Variants in SEC23A observed in about 807,000 individuals in gnomAD.
The protein encoded by SEC23A is protein transport protein Sec23A.
SEC23A carries 56 observed loss-of-function variants against 103.7 expected under a neutral mutation model. That is an observed-to-expected ratio of 0.54 (90% CI 0.44 to 0.67). The LOEUF (loss-of-function observed/expected upper bound fraction) is 0.67. Ranked by LOEUF, SEC23A falls within the 30% of genes least tolerant of loss-of-function variation. SEC23A has a pLI of 0.00. For synonymous variants in SEC23A, 281 were observed against 293.0 expected, an observed-to-expected ratio of 0.96 and a Z score of 0.42; for missense variants, 784 against 936.4, an observed-to-expected ratio of 0.84 and a Z score of 2.12.
chr14:39,085,952 G>A, intron 6 of SEC23A, 46 bp from the exon 7 acceptor site: 1 of 1,508,818 alleles, frequency 6.6e-7, no homozygotes, highest in Non-Finnish European at 9.2e-7. Flanking sequence ...ATGTTTATGG[G>A]TGAGAGTTCG....
At chr14:39,089,623 G>C (rs1291172352) in intron 5 of SEC23A, among the ~76,000 whole-genome samples, 1 of 151,988 alleles carries the variant, frequency 6.6e-6, no homozygotes, top group Non-Finnish European at 1.5e-5. Flanking sequence ...AAATTCCCAT[G>C]CTATCTCCTC....
At chr14:39,073,902 C>T (rs1323095778) in intron 9 of SEC23A, among the ~76,000 whole-genome samples, 1 of 152,074 alleles carries the variant, frequency 6.6e-6, no homozygotes, top group East Asian at 1.9e-4. Context: ...GCCACCACAC[C>T]CAGCCTCTGA....
intron 7 of SEC23A, among the ~76,000 whole-genome samples, chr14:39,083,615 T>C (rs1411593688): frequency 8.2e-6 from 1 of 121,512 alleles, no homozygotes; most frequent in Non-Finnish European, 1.6e-5. Context: ...CAGACTGGAG[T>C]GCAGTGGTGC....
At chr14:39,048,878 C>A in intron 14 of SEC23A, 149 bp from the exon 15 acceptor site, 3 of 575,632 alleles carry the variant, frequency 5.2e-6, no homozygotes, top group South Asian at 4.6e-5. Flanking sequence ...TATAGACTTA[C>A]CAAGAGACAA....
chr14:39,040,092 A>G (rs1338213926), intron 18 of SEC23A: 1 of 152,262 alleles, frequency 6.6e-6, no homozygotes, highest in Non-Finnish European at 1.5e-5. Context: ...ATAACAACTT[A>G]TAATTAATTT....
intron 1 of SEC23A, among the ~76,000 whole-genome samples, chr14:39,099,936 C>T (rs1888025803): frequency 6.6e-6 from 1 of 151,854 alleles, no homozygotes; most frequent in South Asian, 2.1e-4. Flanking sequence ...TGCCTTAGGA[C>T]CATTAGGAAA....
chr14:39,080,009 T>C (rs965051121), intron 7 of SEC23A, among the ~76,000 whole-genome samples: 1 of 152,084 alleles, frequency 6.6e-6, no homozygotes, highest in Non-Finnish European at 1.5e-5. Context: ...TTCTGGGTAT[T>C]TGAGATAATA....
intron 5 of SEC23A, chr14:39,091,052 A>G: frequency 2.5e-6 from 1 of 407,424 alleles, no homozygotes; most frequent in Non-Finnish European, 4.6e-6. Context: ...ACAAAGAAAG[A>G]AGAACCTGAG....
intron 14 of SEC23A, among the ~76,000 whole-genome samples, chr14:39,051,082 CT>C (rs2139204633): frequency 6.6e-6 from 1 of 152,254 alleles, no homozygotes; most frequent in East Asian, 1.9e-4. Flanking sequence ...GGTATTAAAA[CT>C]TTTTGTAAGT....
At position 39,032,163 on chromosome 14, in the gene SEC23A, A is replaced by G. The variant is rs987217609; in HGVS notation, c.*1076T>C. The G allele has an allele frequency of 5.2e-5, 8 of 152,632 alleles. No individual in the cohort carries two copies. Among genetic ancestry groups the G allele is most frequent in the African/African-American group, 1.9e-4 (8 of 41,450 alleles). 9.5% of individuals were successfully genotyped at this position (152,632 alleles called of 1,614,324 possible). The stretch of plus-strand genomic sequence containing the variant: ...GATATGTAAATTTCATTGTCAAAAC[A>G]TATCTGGCTTTATCAATGTAAACAT... On this transcript the variant is annotated 3_prime_UTR_variant, in exon 20 of 20. Transcript: ENST00000307712.
chr14:39,084,095 C>G lies in SEC23A; in HGVS notation c.828+1667G>C, dbSNP rs570901416. 3.9e-5 allele frequency among the ~76,000 whole-genome samples: 6 copies of G among 152,168 alleles called. No individual in the cohort carries two copies. In the East Asian group the frequency reaches 1.2e-3, roughly 29 times the overall value. ...GGAGTGCAGTGGCATGATCTCGGCTCACTGCAACCTCCACCTTCCGGGTTC... is the reference window on the plus strand; with the variant it reads ...GGAGTGCAGTGGCATGATCTCGGCTGACTGCAACCTCCACCTTCCGGGTTC... On this transcript the variant is annotated intron_variant, in intron 7 of 19. Transcript: ENST00000307712.
Position 39,033,195 on chromosome 14 carries a change from A to T in SEC23A, c.*44T>A, listed in dbSNP as rs754446069. Reference sequence around the variant, plus strand: ...TGGAAAAAGGAAAAAATGAAATTTGAATATTATTTCATCTTCTTAAGTGTC... The same window carrying T: ...TGGAAAAAGGAAAAAATGAAATTTGTATATTATTTCATCTTCTTAAGTGTC... On this transcript the variant is annotated 3_prime_UTR_variant, in exon 20 of 20. Coordinates refer to ENST00000307712, the MANE Select transcript of SEC23A (RefSeq NM_006364.4). 2.2e-6 allele frequency: 3 copies of T among 1,387,410 alleles called. No homozygotes were observed. The highest frequency in any genetic ancestry group is 3.1e-6 in the Non-Finnish European group (3 of 973,908). 85.9% of individuals were successfully genotyped at this position (1,387,410 alleles called of 1,614,324 possible).
chr14:39,085,748 A>T lies in SEC23A; in HGVS notation c.828+14T>A. On this transcript the variant is annotated intron_variant, in intron 7 of 19. Transcript: ENST00000307712. ...CACACACTTTACATTCCAAAACAAA[A>T]CCATCTTCCCTACCTCCAGCAGTCC... The T allele has an allele frequency of 6.2e-7, 1 of 1,610,388 alleles. No homozygotes were observed. Among genetic ancestry groups the T allele is most frequent in the Non-Finnish European group, 8.5e-7 (1 of 1,179,216 alleles).
chr14:39,089,155 G>C (rs1887570659), intron 5 of SEC23A, among the ~76,000 whole-genome samples: 1 of 128,978 alleles, frequency 7.8e-6, no homozygotes, highest in Non-Finnish European at 1.6e-5. Flanking sequence ...GACAGAGCAA[G>C]ACTCCGTGTC....
In SEC23A at chr14:39,085,852, T is replaced by C. The variant is rs1483063946; in HGVS notation, c.738A>G (p.Glu246=). Reference sequence around the variant, plus strand: ...GTACAGGCCAAGGGTCTCGCTGGAGTTCTCCCAGAAGATCTGTGAGATTCA... The same window carrying C: ...GTACAGGCCAAGGGTCTCGCTGGAGCTCTCCCAGAAGATCTGTGAGATTCA... ...IDMNLTDLLG[E]LQRDPWPVPQ... The change falls in exon 7 of 20, where the codon GAA becomes GAG. Residue 246 remains glutamate (E), a synonymous_variant. Transcript: ENST00000307712. 2 of 1,613,502 alleles carry C rather than the reference T, an allele frequency of 1.2e-6. No homozygotes were observed. The highest frequency in any genetic ancestry group is 2.7e-5 in the African/African-American group (2 of 74,844).
chr14:39,065,465 A>G (rs1886626428), intron 10 of SEC23A, among the ~76,000 whole-genome samples: 1 of 152,094 alleles, frequency 6.6e-6, no homozygotes, highest in African/African-American at 2.4e-5. Context: ...CTTTTTCCTG[A>G]CATATGCAGA....
intron 7 of SEC23A, among the ~76,000 whole-genome samples, chr14:39,083,240 C>G (rs1278743898): frequency 6.6e-6 from 1 of 152,084 alleles, no homozygotes; most frequent in East Asian, 1.9e-4. Context: ...AACCTGCCTC[C>G]CATTCTATTC....
At chr14:39,069,089 A>T (rs1886762425) in intron 9 of SEC23A, among the ~76,000 whole-genome samples, 1 of 152,152 alleles carries the variant, frequency 6.6e-6, no homozygotes, top group East Asian at 1.9e-4. Context: ...ATTAATGACA[A>T]TTTATACCAC....
intron 5 of SEC23A, chr14:39,090,998 C>T: frequency 2.7e-6 from 1 of 369,250 alleles, no homozygotes. Context: ...GAAGGTCCTG[C>T]CCCCACCACC....
Sources: allele counts gnomAD v4.1 joint callset (sites outside exome capture counted in the v4.1 genomes callset), GRCh38; gene constraint gnomAD v4.1.1; transcripts MANE v1.5; gene names NCBI Gene and HGNC (gene_info 2026-07-23, HGNC 2026-07-21).